The following CCDC178 variants were observed in gnomAD, a reference collection of about 807,000 sequenced individuals.
The protein encoded by CCDC178 is coiled-coil domain containing 178, also known as coiled-coil domain-containing protein 178.
A neutral mutation model predicts 117.4 loss-of-function variants in CCDC178; 126 were observed. That is an observed-to-expected ratio of 1.07 (90% CI 0.93 to 1.24). The LOEUF is 1.24. CCDC178 is among the 50% of genes most tolerant of loss of function. The pLI, the probability that CCDC178 is intolerant of heterozygous loss-of-function variation, is 0.00. For missense variants in CCDC178, 1,030 were observed against 986.9 expected, an observed-to-expected ratio of 1.04 and a Z score of -0.59; for synonymous variants, 283 against 313.4, an observed-to-expected ratio of 0.90 and a Z score of 1.02.
chr18:33,020,079 G>A (rs1179192122), intron 21 of CCDC178, among the ~76,000 whole-genome samples: 5 of 150,598 alleles, frequency 3.3e-5, no homozygotes, highest in Non-Finnish European at 7.4e-5. Flanking sequence ...CCAAGTAGCT[G>A]GGATTATAGG....
chr18:33,360,245 A>T (rs1179413192), intron 6 of CCDC178, among the ~76,000 whole-genome samples: 3 of 150,676 alleles, frequency 2.0e-5, no homozygotes, highest in Admixed American at 2.0e-4. Flanking sequence ...AAAGAACTGA[A>T]AACAGGTACT....
intron 20 of CCDC178, among the ~76,000 whole-genome samples, chr18:33,194,680 A>G (rs1319805485): frequency 6.6e-6 from 1 of 152,016 alleles, no homozygotes. Context: ...TATCTAGTCA[A>G]TTTCATACAA....
intron 21 of CCDC178, among the ~76,000 whole-genome samples, chr18:33,015,314 C>T (rs1305878610): frequency 6.6e-6 from 1 of 151,640 alleles, no homozygotes; most frequent in Non-Finnish European, 1.5e-5. Flanking sequence ...CCTGTAATCT[C>T]AGCACTTTGG....
intron 21 of CCDC178, among the ~76,000 whole-genome samples, chr18:32,980,807 A>T (rs2055140532): frequency 6.6e-6 from 1 of 152,188 alleles, no homozygotes; most frequent in African/African-American, 2.4e-5. Context: ...TTTGGTAAAG[A>T]TGTGAAAAAA....
At chr18:33,173,277 G>A (rs941218501) in intron 20 of CCDC178, among the ~76,000 whole-genome samples, 4 of 151,966 alleles carry the variant, frequency 2.6e-5, no homozygotes, top group African/African-American at 9.7e-5. Flanking sequence ...TTCAAACTCC[G>A]GAGCTCAAGT....
At chr18:33,431,832 T>C (rs927415438) in intron 2 of CCDC178, among the ~76,000 whole-genome samples, 57 of 152,232 alleles carry the variant, frequency 3.7e-4, no homozygotes, top group African/African-American at 1.4e-3. Context: ...CAAGACTTTG[T>C]AGTTTTTTGT....
At chr18:33,211,734 T>C (rs2144589417) in intron 20 of CCDC178, among the ~76,000 whole-genome samples, 162 bp downstream of exon 20, 1 of 152,078 alleles carries the variant, frequency 6.6e-6, no homozygotes, top group East Asian at 1.9e-4. Context: ...TCATAATTAC[T>C]TAGAAGAAAC....
At chr18:33,225,553 T>A (rs2059293131) in intron 16 of CCDC178, among the ~76,000 whole-genome samples, 1 of 152,176 alleles carries the variant, frequency 6.6e-6, no homozygotes, top group Non-Finnish European at 1.5e-5. Context: ...TAAAAAAATA[T>A]TTCCCAGCCC....
intron 20 of CCDC178, among the ~76,000 whole-genome samples, chr18:33,113,045 A>T (rs1254689372): frequency 6.6e-6 from 1 of 152,030 alleles, no homozygotes; most frequent in Non-Finnish European, 1.5e-5. Context: ...ACTTCTCCTT[A>T]TAAGAAAATT....
chr18:33,197,015 CTTAATT>C (rs1221345056), intron 20 of CCDC178, among the ~76,000 whole-genome samples: 1 of 152,030 alleles, frequency 6.6e-6, no homozygotes, highest in African/African-American at 2.4e-5. Flanking sequence ...CTTGATTTAT[CTTAATT>C]TTTTCATTTC....
In CCDC178 at chr18:33,388,741, G is replaced by T. The variant is rs184091250; in HGVS notation, c.208+799C>A. 6.5e-3 allele frequency among the ~76,000 whole-genome samples: 983 copies of T among 151,190 alleles called. 10 individuals carry two copies. The highest frequency in any genetic ancestry group is 0.023 in the African/African-American group (931 of 41,108). On this transcript the variant is annotated intron_variant, in intron 5 of 22. Transcript: ENST00000383096. The stretch of plus-strand genomic sequence containing the variant: ...TCACCGTTTTAGCCGGGATGGTCTC[G>T]ATCTCCTGACCTCGTGATCCGCCCG...
At chr18:33,254,328 G>C (rs1326334828) in intron 14 of CCDC178, among the ~76,000 whole-genome samples, 1 of 148,920 alleles carries the variant, frequency 6.7e-6, no homozygotes, top group Non-Finnish European at 1.5e-5. Context: ...CAATTAAGCA[G>C]CTCAGGCCAG....
chr18:33,242,200 CT>C (rs2059496520), intron 15 of CCDC178, among the ~76,000 whole-genome samples: 1 of 151,796 alleles, frequency 6.6e-6, no homozygotes, highest in Admixed American at 6.6e-5. Context: ...GCTAGGAAAA[CT>C]GGATATCCAC....
At chr18:33,338,990 CTAAA>C (rs1158654895) in intron 9 of CCDC178, among the ~76,000 whole-genome samples, 19 of 151,994 alleles carry the variant, frequency 1.3e-4, no homozygotes, top group Admixed American at 2.0e-4. Context: ...CCAGCAACTT[CTAAA>C]TAAATAGATT....
At chr18:32,984,510 A>G (rs1411562342) in intron 21 of CCDC178, among the ~76,000 whole-genome samples, 1 of 149,456 alleles carries the variant, frequency 6.7e-6, no homozygotes, top group Non-Finnish European at 1.5e-5. Flanking sequence ...AAATAAAATT[A>G]CTGCATTCTG....
intron 22 of CCDC178, among the ~76,000 whole-genome samples, chr18:32,947,393 A>T (rs2054380940): frequency 6.6e-6 from 1 of 152,196 alleles, no homozygotes; most frequent in African/African-American, 2.4e-5. Context: ...AATTGTAGCC[A>T]TTCAAATAGG....
At chr18:33,122,080 G>A (rs1024283913) in intron 20 of CCDC178, among the ~76,000 whole-genome samples, 1 of 152,056 alleles carries the variant, frequency 6.6e-6, no homozygotes, top group African/African-American at 2.4e-5. Context: ...TGAACAAATC[G>A]CCTAATGAAA....
At chr18:33,110,814 C>A (rs2057770665) in intron 20 of CCDC178, among the ~76,000 whole-genome samples, 1 of 151,458 alleles carries the variant, frequency 6.6e-6, no homozygotes, top group Admixed American at 6.6e-5. Flanking sequence ...TATAATGTGG[C>A]CTCATAGTAA....
intron 7 of CCDC178, among the ~76,000 whole-genome samples, chr18:33,354,576 T>A (rs1473452156): frequency 6.6e-6 from 1 of 152,010 alleles, no homozygotes; most frequent in African/African-American, 2.4e-5. Flanking sequence ...GTGAAGTTTT[T>A]AATTTCAGTT....
Sources: allele counts gnomAD v4.1 joint callset (sites outside exome capture counted in the v4.1 genomes callset), GRCh38; gene constraint gnomAD v4.1.1; transcripts MANE v1.5; gene names NCBI Gene and HGNC (gene_info 2026-07-23, HGNC 2026-07-21).